The following CXCL13 variants were observed in gnomAD, a reference collection of about 807,000 sequenced individuals.
The protein encoded by CXCL13 is C-X-C motif chemokine 13.
Under a neutral mutation model 12.2 loss-of-function variants are expected in CXCL13, and 7 were observed. That is an observed-to-expected ratio of 0.57 (90% confidence interval 0.33 to 1.07). CXCL13 has a LOEUF of 1.07. CXCL13 is among the 50% of genes least tolerant of loss of function. CXCL13 has a pLI of 0.04. For missense variants in CXCL13, 113 were observed against 127.4 expected, an observed-to-expected ratio of 0.89 and a Z score of 0.55; for synonymous variants, 47 against 42.4, an observed-to-expected ratio of 1.11 and a Z score of -0.42.
intron 1 of CXCL13, among the ~76,000 whole-genome samples, chr4:77,528,250 T>C (rs1724817587): frequency 6.6e-6 from 1 of 152,234 alleles, no homozygotes; most frequent in Non-Finnish European, 1.5e-5. Context: ...TGTGTGCATG[T>C]GTCTTTATAG....
chr4:77,548,902 G>A (rs147960517), intron 1 of CXCL13, among the ~76,000 whole-genome samples: 1 of 152,136 alleles, frequency 6.6e-6, no homozygotes, highest in Non-Finnish European at 1.5e-5. Flanking sequence ...GTTGGGGAAG[G>A]TCTCCTGGGT....
chr4:77,601,072 C>T (rs1377468251), upstream of CXCL13, among the ~76,000 whole-genome samples: 1 of 152,150 alleles, frequency 6.6e-6, no homozygotes, highest in Non-Finnish European at 1.5e-5. Context: ...TGCCACCTAG[C>T]AGTCTCTTGG....
At chr4:77,582,596 A>G (rs1488429668) in intron 1 of CXCL13, among the ~76,000 whole-genome samples, 1 of 152,182 alleles carries the variant, frequency 6.6e-6, no homozygotes. Context: ...AGAAGGGGAG[A>G]GTGGTGAAAG....
At position 77,514,271 on chromosome 4, in the gene CXCL13, T is replaced by C. The variant is rs1724351877; in HGVS notation, c.-43+2483T>C. 2.6e-5 allele frequency among the ~76,000 whole-genome samples: 4 copies of C among 152,150 alleles called. No individual in the cohort carries two copies. The South Asian group carries it at 8.3e-4, about 32-fold the overall frequency. ...AATAGTGCTGCAATAAACATATGTG[T>C]GCATGTGTCTTTATAGCAGCATGAT... On this transcript the variant is annotated intron_variant, in intron 1 of 4. Coordinates refer to the CXCL13 transcript ENST00000286758.
At chr4:77,516,617 G>A (rs1008063485) in intron 1 of CXCL13, among the ~76,000 whole-genome samples, 16 of 152,166 alleles carry the variant, frequency 1.1e-4, no homozygotes, top group Non-Finnish European at 1.9e-4. Context: ...AGTATTCTCT[G>A]ATGGTAGTTT....
intron 1 of CXCL13, among the ~76,000 whole-genome samples, chr4:77,525,020 C>T (rs993733638): frequency 6.6e-6 from 1 of 152,110 alleles, no homozygotes; most frequent in Non-Finnish European, 1.5e-5. Flanking sequence ...GGTGGTGAGG[C>T]CTAATAAGTG....
intron 1 of CXCL13, among the ~76,000 whole-genome samples, chr4:77,520,252 A>G (rs550948351): frequency 4.2e-4 from 64 of 152,320 alleles, no homozygotes; most frequent in African/African-American, 1.5e-3. Context: ...TTCTGTGAAG[A>G]AAGTCATTGG....
At chr4:77,529,538 G>A (rs1172302502) in intron 1 of CXCL13, among the ~76,000 whole-genome samples, 2 of 152,168 alleles carry the variant, frequency 1.3e-5, no homozygotes, top group Non-Finnish European at 2.9e-5. Flanking sequence ...TCTCTTTGAA[G>A]CAATTGTGAA....
At chr4:77,560,462 C>A (rs534755110) in intron 1 of CXCL13, among the ~76,000 whole-genome samples, 2 of 152,266 alleles carry the variant, frequency 1.3e-5, no homozygotes, top group East Asian at 3.9e-4. Context: ...CTAAACAATG[C>A]CTTTTGAGGT....
chr4:77,573,909 G>T (rs1726149822), intron 1 of CXCL13, among the ~76,000 whole-genome samples: 1 of 151,908 alleles, frequency 6.6e-6, no homozygotes, highest in African/African-American at 2.4e-5. Context: ...TCTAGGTCTT[G>T]TGAAAACCAT....
intron 1 of CXCL13, among the ~76,000 whole-genome samples, chr4:77,524,105 T>C (rs1260310151): frequency 1.3e-5 from 2 of 152,090 alleles, no homozygotes; most frequent in African/African-American, 4.8e-5. Context: ...CTGGAAGCTT[T>C]ATCCCAGAGG....
intron 1 of CXCL13, among the ~76,000 whole-genome samples, chr4:77,588,135 T>TA (rs11394947): frequency 0.32 from 48,364 of 152,024 alleles, 9,161 homozygotes; most frequent in African/African-American, 0.52. Flanking sequence ...TACAAAGGAT[T>TA]AAAAAAGGAA....
intron 1 of CXCL13, among the ~76,000 whole-genome samples, chr4:77,596,315 A>C (rs575480084): frequency 6.6e-6 from 1 of 152,350 alleles, no homozygotes; most frequent in Admixed American, 6.5e-5. Flanking sequence ...TATCAAAAAG[A>C]CAAGAGGTAA....
chr4:77,597,313 T>C (rs184420560), intron 1 of CXCL13, among the ~76,000 whole-genome samples: 42 of 152,312 alleles, frequency 2.8e-4, no homozygotes, highest in Admixed American at 2.0e-3. Flanking sequence ...ACTTAGGTTT[T>C]CCCCTGGGGG....
chr4:77,536,616 T>C (rs1480232731), intron 1 of CXCL13, among the ~76,000 whole-genome samples: 1 of 152,230 alleles, frequency 6.6e-6, no homozygotes, highest in Non-Finnish European at 1.5e-5. Context: ...ACATTTAGCA[T>C]GGTGCTGGGT....
At chr4:77,559,285 G>T (rs916691974) in intron 1 of CXCL13, among the ~76,000 whole-genome samples, 4 of 152,268 alleles carry the variant, frequency 2.6e-5, no homozygotes, top group Middle Eastern at 3.4e-3. Flanking sequence ...GAAGGAGACT[G>T]GGCAGAGGAA....
chr4:77,557,824 C>G (rs1208622902), intron 1 of CXCL13, among the ~76,000 whole-genome samples: 1 of 152,236 alleles, frequency 6.6e-6, no homozygotes, highest in Non-Finnish European at 1.5e-5. Flanking sequence ...ACACAGATGG[C>G]TAGTGGGCTT....
intron 1 of CXCL13, among the ~76,000 whole-genome samples, chr4:77,541,251 A>G (rs182624419): frequency 7.9e-4 from 120 of 152,116 alleles, no homozygotes; most frequent in Non-Finnish European, 1.5e-3. Context: ...GAAGCTCTTT[A>G]GTTCATTTAG....
chr4:77,584,169 T>C (rs1041388186), intron 1 of CXCL13, among the ~76,000 whole-genome samples: 1 of 152,218 alleles, frequency 6.6e-6, no homozygotes, highest in Non-Finnish European at 1.5e-5. Context: ...ATGGCCTAGA[T>C]AGTCTTTAAA....
Sources: allele counts gnomAD v4.1 joint callset (sites outside exome capture counted in the v4.1 genomes callset), GRCh38; gene constraint gnomAD v4.1.1; transcripts MANE v1.5; gene names NCBI Gene and HGNC (gene_info 2026-07-23, HGNC 2026-07-21).